Variants in IZUMO3 observed in about 807,000 individuals in gnomAD.
IZUMO3 encodes IZUMO family member 3.
In IZUMO3, 36 loss-of-function variants were observed where a neutral mutation model predicts 28.4. That is an observed-to-expected ratio of 1.27 (90% CI 0.97 to 1.67). IZUMO3 has a LOEUF of 1.67. Among genes scored for constraint, IZUMO3 ranks in the 40% most tolerant of loss-of-function variants. The pLI is 0.00. For synonymous variants in IZUMO3, 126 were observed against 99.2 expected (o/e 1.27, Z -1.61); for missense variants, 387 against 278.5 (o/e 1.39, Z -2.77).
At chr9:24,544,792 T>G in intron 3 of IZUMO3, 32 bp from the exon 4 acceptor site, 1 of 1,547,402 alleles carries the variant, frequency 6.5e-7, no homozygotes, top group Non-Finnish European at 8.7e-7. Context: ...CTAATGAGTT[T>G]AAAACCAGCT....
At position 24,545,844 on chromosome 9, in the gene IZUMO3, A is replaced by G. The variant is rs763432617; in HGVS notation, c.-195T>C. ...GATCTTTAGTTGTTTACTGACTATT[A>G]TCCTTCATTCTAGGAGAGGGAACTG... On this transcript the variant is annotated 5_prime_UTR_variant, in exon 1 of 7. Coordinates refer to ENST00000543880, the MANE Select transcript of IZUMO3 (RefSeq NM_001365008.2). 36 of 1,536,412 alleles carry G rather than the reference A, an allele frequency of 2.3e-5. No individual in the cohort carries two copies. The Admixed American group carries it at 3.2e-4, about 14-fold the overall frequency.
rs77166067 is a variant in IZUMO3, at chr9:24,545,661, C to G, written c.-12G>C. 1.8e-4 allele frequency: 281 copies of G among 1,534,622 alleles called. No individual in the cohort carries two copies. Among genetic ancestry groups the G allele is most frequent in the Non-Finnish European group, 2.4e-4 (274 of 1,146,572 alleles). On this transcript the variant is annotated 5_prime_UTR_variant, in exon 1 of 7. Coordinates refer to ENST00000543880, the MANE Select transcript of IZUMO3 (RefSeq NM_001365008.2). ...CACAGGTCACCCATTTCTTTCTTCA[C>G]CCCCGCTCCCCGACAGCAGGTTGTC... is the stretch of plus-strand genomic sequence containing the variant.
chr9:24,544,613 T>C (rs1025576763), intron 4 of IZUMO3, 130 bp downstream of exon 4: 1 of 782,422 alleles, frequency 1.3e-6, no homozygotes, highest in Middle Eastern at 2.3e-4. Flanking sequence ...TTGTTGACGT[T>C]ACCCCTTGTA....
chr9:24,543,058 C>G lies in IZUMO3; in HGVS notation c.*171G>C, dbSNP rs2117942352. 1 of 526,666 alleles carries G rather than the reference C, an allele frequency of 1.9e-6. No individual in the cohort carries two copies. Among genetic ancestry groups the G allele is most frequent in the South Asian group, 4.2e-5 (1 of 23,990 alleles). The allele number at this position is 526,666 out of a possible 1,614,324, so 32.6% of individuals were successfully genotyped here. A position where few individuals can be genotyped will look rare whatever the true frequency, so the allele number is the denominator to read the frequency against. ...GGCCAAATTATTTGCTCTCCCATTACTTCCGTTGTCTCAGGATATCAATAA... is the reference window on the plus strand; with the variant it reads ...GGCCAAATTATTTGCTCTCCCATTAGTTCCGTTGTCTCAGGATATCAATAA... On this transcript the variant is annotated 3_prime_UTR_variant, in exon 7 of 7. Transcript: ENST00000543880.
Position 24,545,419 on chromosome 9 carries a change from C to T in IZUMO3, c.226+5G>A, listed in dbSNP as rs1477967642. The T allele has an allele frequency of 3.2e-6, 5 of 1,541,426 alleles. No homozygotes were observed. The East Asian group carries it at 9.8e-5, about 30-fold the overall frequency. ...TGGACTCTCAGGAACTCAAGCTTCCCTCACCCAACACCCGAAGCCTCTTGT... is the reference window on the plus strand; with the variant it reads ...TGGACTCTCAGGAACTCAAGCTTCCTTCACCCAACACCCGAAGCCTCTTGT... On this transcript the variant is annotated splice_donor_5th_base_variant and intron_variant, in intron 1 of 6. Transcript: ENST00000543880.
Position 24,545,044 on chromosome 9 carries a change from C to G in IZUMO3, c.319G>C (p.Gly107Arg). Residue 107 changes from glycine to arginine, a missense_variant, in exon 3 of 7, where the codon GGC (glycine) becomes CGC (arginine). Coordinates refer to ENST00000543880, the MANE Select transcript of IZUMO3 (RefSeq NM_001365008.2). ...TTTTGGCAGACATCGAGAAGCTTGC[C>G]TTGATAGATAAAGACACCTAAGAGG... Reference protein sequence around the residue: ...ETWKGVFIYQGKLLDVCQNLE... With the variant: ...ETWKGVFIYQRKLLDVCQNLE... The G allele has an allele frequency of 6.5e-7, 1 of 1,550,182 alleles. No individual in the cohort carries two copies. The highest frequency in any genetic ancestry group is 8.7e-7 in the Non-Finnish European group (1 of 1,146,496).
At position 24,545,215 on chromosome 9, in the gene IZUMO3, T is replaced by C; in HGVS notation, c.298A>G (p.Lys100Glu). ...EFYKLGNETW[K>E]GVFIYQGKLL... Reference sequence around the variant, plus strand: ...TAACATTGAAACAGTACCTCACCTTTCCATGTTTCATTGCCCAGTTTATAA... The same window carrying C: ...TAACATTGAAACAGTACCTCACCTTCCCATGTTTCATTGCCCAGTTTATAA... The change falls in exon 2 of 7, where the codon AAA (lysine) becomes GAA (glutamate). Residue 100 changes from lysine (K) to glutamate (E), a missense_variant. By Grantham distance (56) the Lys-to-Glu change is moderately conservative. Transcript: ENST00000543880. 1.3e-6 allele frequency: 2 copies of C among 1,549,568 alleles called. No homozygotes were observed. Among genetic ancestry groups the C allele is most frequent in the Non-Finnish European group, 1.7e-6 (2 of 1,146,064 alleles).
chr9:24,545,241 A>T lies in IZUMO3; in HGVS notation c.272T>A (p.Phe91Tyr), dbSNP rs1819563937. 5 of 1,550,426 alleles carry T rather than the reference A, an allele frequency of 3.2e-6. No homozygotes were observed. Among genetic ancestry groups the T allele is most frequent in the Non-Finnish European group, 4.4e-6 (5 of 1,146,876 alleles). Residue 91 changes from phenylalanine to tyrosine, a missense_variant, in exon 2 of 7, where the codon TTT (phenylalanine) becomes TAT (tyrosine). Transcript: ENST00000543880. ...CCATGTTTCATTGCCCAGTTTATAA[A>T]ATTCATTCTTCAACCATGTTCTCAA... ...VKLRTWLKNE[F>Y]YKLGNETWKG...
In IZUMO3 at chr9:24,545,760, T is replaced by A. The variant is rs998624382; in HGVS notation, c.-111A>T. 46 of 1,533,582 alleles carry A rather than the reference T, an allele frequency of 3.0e-5. No homozygotes were observed. In the African/African-American group the frequency reaches 5.8e-4, roughly 19 times the overall value. 95.0% of individuals were successfully genotyped at this position (1,533,582 alleles called of 1,614,324 possible). A position where few individuals can be genotyped will look rare whatever the true frequency, so the allele number is the denominator to read the frequency against. Reference sequence around the variant, plus strand: ...AGAGCCTGGTTCTGGATAGTCTGACTCCACTTTTCCCGCTGTTTCCATCCC... The same window carrying A: ...AGAGCCTGGTTCTGGATAGTCTGACACCACTTTTCCCGCTGTTTCCATCCC... On this transcript the variant is annotated 5_prime_UTR_variant, in exon 1 of 7. Transcript: ENST00000543880.
chr9:24,543,545 T>C (rs542090493), intron 6 of IZUMO3, 119 bp downstream of exon 6: 16 of 858,872 alleles, frequency 1.9e-5, no homozygotes, highest in Non-Finnish European at 2.7e-5. Context: ...CCTTTCAGTA[T>C]CCCAGAATTT....
intron 2 of IZUMO3, 25 bp downstream of exon 2, chr9:24,545,186 CT>C (rs1819562556): frequency 6.5e-7 from 1 of 1,542,748 alleles, no homozygotes; most frequent in African/African-American, 1.4e-5. Flanking sequence ...GCAATACAAA[CT>C]TTTAACATTG....
At position 24,543,697 on chromosome 9, in the gene IZUMO3, G is replaced by T; in HGVS notation, c.548C>A (p.Ala183Glu). The change falls in exon 6 of 7, where the codon GCA (alanine) becomes GAA (glutamate). Residue 183 changes from alanine to glutamate, a missense_variant. Coordinates refer to ENST00000543880, the MANE Select transcript of IZUMO3 (RefSeq NM_001365008.2). ...AGCACTTCCCAGTATTACAGCTGTT[G>T]CCAGCAATATGAGAAATAGAGCAAT... ...REIALFLILLATAVILGSAVL... is the reference protein window; with the variant it reads ...REIALFLILLETAVILGSAVL... The T allele has an allele frequency of 6.5e-7, 1 of 1,549,262 alleles. No homozygotes were observed. Among genetic ancestry groups the T allele is most frequent in the African/African-American group, 1.4e-5 (1 of 73,088 alleles).
intron 6 of IZUMO3, 29 bp from the exon 7 acceptor site, chr9:24,543,396 C>G: frequency 7.6e-7 from 1 of 1,322,050 alleles, no homozygotes; most frequent in Non-Finnish European, 1.0e-6. Context: ...ATAATTCCAA[C>G]TTCAATATCA....
Position 24,543,243 on chromosome 9 carries a change from T to C in IZUMO3, c.706A>G (p.Arg236Gly). 6.5e-7 allele frequency: 1 copy of C among 1,545,882 alleles called. No individual in the cohort carries two copies. The highest frequency in any genetic ancestry group is 2.5e-5 in the East Asian group (1 of 40,622). The part of the protein sequence containing the change: ...KIDEKEEKDF[R>G]LRK The stretch of plus-strand genomic sequence containing the variant: ...TGTTGATGTGTTTATTTTCTGAGTC[T>C]AAAGTCTTTCTCCTCCTTCTCATCT... Residue 236 changes from arginine to glycine, a missense_variant, in exon 7 of 7, where the codon AGA becomes GGA. By Grantham distance (125) the Arg-to-Gly change is moderately radical. Coordinates refer to ENST00000543880, the MANE Select transcript of IZUMO3 (RefSeq NM_001365008.2).
rs1819491770 is a variant in IZUMO3, at chr9:24,543,270, T to C, written c.679A>G (p.Ile227Val). 3 of 1,548,320 alleles carry C rather than the reference T, an allele frequency of 1.9e-6. No individual in the cohort carries two copies. Residue 227 changes from isoleucine (I) to valine (V), a missense_variant, in exon 7 of 7, where the codon ATA becomes GTA. Transcript: ENST00000543880. ...EKKLEELMGKIDEKEEKDFRL... is the reference protein window; with the variant it reads ...EKKLEELMGKVDEKEEKDFRL... ...AAGTCTTTCTCCTCCTTCTCATCTA[T>C]CTTCCCCATTAATTCTTCAAGTTTC...
In IZUMO3 at chr9:24,543,220, T is replaced by A. The variant is rs1819489594; in HGVS notation, c.*9A>T. On this transcript the variant is annotated 3_prime_UTR_variant, in exon 7 of 7. Coordinates refer to ENST00000543880, the MANE Select transcript of IZUMO3 (RefSeq NM_001365008.2). ...AATCATGAAAGACTTCTTGTCCATG[T>A]TGATGTGTTTATTTTCTGAGTCTAA... The A allele has an allele frequency of 1.3e-6, 2 of 1,537,604 alleles. No individual in the cohort carries two copies. The highest frequency in any genetic ancestry group is 8.8e-7 in the Non-Finnish European group (1 of 1,140,632).
At position 24,545,692 on chromosome 9, in the gene IZUMO3, A is replaced by G. The variant is rs1198587614; in HGVS notation, c.-43T>C. The stretch of plus-strand genomic sequence containing the variant: ...CTCCCCGACAGCAGGTTGTCCTGGC[A>G]ACTAGTTCACTTAGTTCCTTTTCCT... On this transcript the variant is annotated 5_prime_UTR_variant, in exon 1 of 7. Transcript: ENST00000543880. 3 of 1,535,028 alleles carry G rather than the reference A, an allele frequency of 2.0e-6. No individual in the cohort carries two copies.
At chr9:24,543,466 T>TTTTTTTTTTTTTTTTTTTTTTTTC (rs1386967613) in intron 6 of IZUMO3, 99 bp from the exon 7 acceptor site, 1 of 877,814 alleles carries the variant, frequency 1.1e-6, no homozygotes. Flanking sequence ...TTTTTTTTTT[T>TTTTTTTTTTTTTTTTTTTTTTTTC]TTTTTTGCTG....
Position 24,545,685 on chromosome 9 carries a change from T to G in IZUMO3, c.-36A>C. On this transcript the variant is annotated 5_prime_UTR_variant, in exon 1 of 7. Transcript: ENST00000543880. ...ACCCCCGCTCCCCGACAGCAGGTTG[T>G]CCTGGCAACTAGTTCACTTAGTTCC... 1 of 1,534,868 alleles carries G rather than the reference T, an allele frequency of 6.5e-7. No individual in the cohort carries two copies. The highest frequency in any genetic ancestry group is 8.7e-7 in the Non-Finnish European group (1 of 1,146,296).
Sources: allele counts gnomAD v4.1 joint callset, GRCh38; gene constraint gnomAD v4.1.1; transcripts MANE v1.5; gene names NCBI Gene and HGNC (gene_info 2026-07-23, HGNC 2026-07-21).